KCTD1: variants seen among roughly 807,000 people sequenced by gnomAD.
KCTD1 encodes BTB/POZ domain-containing protein KCTD1.
KCTD1 carries 24 observed loss-of-function variants against 66.0 expected under a neutral mutation model. That is an observed-to-expected ratio of 0.36 (90% CI 0.26 to 0.51). The LOEUF is 0.51. KCTD1 is among the 20% of genes least tolerant of loss of function. KCTD1 has a pLI of 0.95. For missense variants in KCTD1, 943 were observed against 1,205.2 expected, an observed-to-expected ratio of 0.78 and a Z score of 3.22; for synonymous variants, 511 against 517.2, an observed-to-expected ratio of 0.99 and a Z score of 0.16.
Position 26,548,070 on chromosome 18 carries a change from T to C in KCTD1, c.467A>G (p.Asp156Gly). Reference sequence around the variant, plus strand: ...CTCGGGGCGCTGCAGCACGTCGGGGTCCAGCTCGGAGCCGTCCCCGGGCGG... The same window carrying C: ...CTCGGGGCGCTGCAGCACGTCGGGGCCCAGCTCGGAGCCGTCCCCGGGCGG... ...GGPPGDGSEL[D>G]PDVLQRPERA... The change falls in exon 1 of 5, where the codon GAC becomes GGC. Residue 156 changes from aspartate (D) to glycine (G), a missense_variant. Transcript: ENST00000580059. 2 of 1,484,654 alleles carry C rather than the reference T, an allele frequency of 1.3e-6. No individual in the cohort carries two copies. Among genetic ancestry groups the C allele is most frequent in the Middle Eastern group, 1.9e-4 (1 of 5,352 alleles). 92.0% of individuals were successfully genotyped at this position (1,484,654 alleles called of 1,614,324 possible). A position where few individuals can be genotyped will look rare whatever the true frequency, so the allele number is the denominator to read the frequency against.
chr18:26,482,631 C>G (rs75896996), intron 2 of KCTD1, among the ~76,000 whole-genome samples: 8,603 of 152,262 alleles, frequency 0.057, 787 homozygotes, highest in East Asian at 0.41. Context: ...CTGTACCCCC[C>G]ACCCTTCCCA....
intron 2 of KCTD1, among the ~76,000 whole-genome samples, chr18:26,492,964 C>T (rs1181747105): frequency 6.6e-6 from 1 of 152,208 alleles, no homozygotes; most frequent in Non-Finnish European, 1.5e-5. Context: ...ATTTTCCCTT[C>T]ATTCTTTGGA....
chr18:26,488,163 G>A (rs1224906242), intron 2 of KCTD1, among the ~76,000 whole-genome samples: 1 of 152,084 alleles, frequency 6.6e-6, no homozygotes, highest in Non-Finnish European at 1.5e-5. Flanking sequence ...TAGACATCAA[G>A]CTAGGGTGAA....
intron 1 of KCTD1, among the ~76,000 whole-genome samples, chr18:26,585,873 C>T (rs1005773471): frequency 4.6e-5 from 7 of 152,102 alleles, no homozygotes; most frequent in African/African-American, 1.7e-4. Flanking sequence ...GAGACCTTGT[C>T]TCTGTTAAAA....
intron 1 of KCTD1, among the ~76,000 whole-genome samples, chr18:26,538,707 G>A (rs562516546): frequency 3.3e-5 from 5 of 152,316 alleles, no homozygotes; most frequent in African/African-American, 1.2e-4. Context: ...TTTTCAAGCA[G>A]TATCTCATTT....
At chr18:26,657,269 G>T in intron 1 of KCTD1, 2 of 927,376 alleles carry the variant, frequency 2.2e-6, no homozygotes, top group Non-Finnish European at 2.6e-6. Context: ...CTCGCCCCAT[G>T]CCTGGCACAT....
At chr18:26,574,372 A>G (rs1986177271) in intron 1 of KCTD1, among the ~76,000 whole-genome samples, 1 of 152,232 alleles carries the variant, frequency 6.6e-6, no homozygotes, top group Admixed American at 6.5e-5. Context: ...GTAGCACAGT[A>G]TCCTCCAGTC....
chr18:26,575,398 T>C (rs2144906929), intron 1 of KCTD1: 2 of 152,248 alleles, frequency 1.3e-5, no homozygotes, highest in East Asian at 3.9e-4. Flanking sequence ...GTGGTGTGCG[T>C]GCGGGCAGGG....
intron 1 of KCTD1, among the ~76,000 whole-genome samples, chr18:26,574,327 C>T (rs1024432115): frequency 1.3e-5 from 2 of 152,174 alleles, no homozygotes; most frequent in Non-Finnish European, 2.9e-5. Flanking sequence ...ATTAGCCCTC[C>T]GTGCATGTTG....
intron 1 of KCTD1, among the ~76,000 whole-genome samples, chr18:26,585,786 T>C (rs986722155): frequency 6.6e-6 from 1 of 152,272 alleles, no homozygotes; most frequent in Non-Finnish European, 1.5e-5. Context: ...TTTTCCCTGG[T>C]AGTAATTTTT....
rs974314773 is a variant in KCTD1 at position 26,548,348 on chromosome 18, C to T, written c.189G>A (p.Glu63=). ...AGEEEEEEEE[E]DEIQEVQITG... ...TTATCTGCACCTCCTGGATCTCGTCCTCCTCCTCCTCTTCCTCCTCCTCCT... is the reference window on the plus strand; with the variant it reads ...TTATCTGCACCTCCTGGATCTCGTCTTCCTCCTCCTCTTCCTCCTCCTCCT... The change falls in exon 1 of 5, where the codon GAG becomes GAA. Residue 63 remains glutamate, a synonymous_variant. Transcript: ENST00000580059. The T allele has an allele frequency of 8.1e-6, 12 of 1,473,842 alleles. No homozygotes were observed. The highest frequency in any genetic ancestry group is 1.4e-5 in the African/African-American group (1 of 70,558). The allele number at this position is 1,473,842 out of a possible 1,614,324, so 91.3% of individuals were successfully genotyped here.
At chr18:26,504,545 T>C (rs186997181) in intron 1 of KCTD1, among the ~76,000 whole-genome samples, 56 of 152,120 alleles carry the variant, frequency 3.7e-4, no homozygotes, top group East Asian at 3.9e-4. Flanking sequence ...TTTTTATTTT[T>C]AACGTTTTTA....
chr18:26,473,747 G>A (rs543708772), intron 3 of KCTD1, among the ~76,000 whole-genome samples: 128 of 152,276 alleles, frequency 8.4e-4, no homozygotes, highest in African/African-American at 8.9e-4. Flanking sequence ...TGAGATGCAC[G>A]CCATTGAGGG....
upstream of KCTD1, chr18:26,548,716 T>C (rs1225055215): frequency 9.1e-6 from 5 of 547,150 alleles, no homozygotes; most frequent in African/African-American, 8.7e-5. Flanking sequence ...GCGCAGGGGA[T>C]GGAGGGGAGG....
chr18:26,613,228 C>A (rs1274265260), intron 1 of KCTD1, among the ~76,000 whole-genome samples: 2 of 152,106 alleles, frequency 1.3e-5, no homozygotes, highest in Non-Finnish European at 2.9e-5. Flanking sequence ...CCACTTGATA[C>A]TTTTAGTGTG....
intron 1 of KCTD1, among the ~76,000 whole-genome samples, chr18:26,519,280 C>G (rs1360909247): frequency 6.6e-6 from 1 of 152,172 alleles, no homozygotes; most frequent in Non-Finnish European, 1.5e-5. Flanking sequence ...CTCAGAAGTA[C>G]AGAACATAAC....
chr18:26,624,241 C>T (rs947094395), intron 1 of KCTD1, among the ~76,000 whole-genome samples: 5 of 152,156 alleles, frequency 3.3e-5, no homozygotes, highest in African/African-American at 1.2e-4. Flanking sequence ...AAATTCAAGC[C>T]AGCTGCAGAA....
chr18:26,535,971 CAAA>C (rs36119174), intron 1 of KCTD1, among the ~76,000 whole-genome samples: 25,168 of 122,816 alleles, frequency 0.2, 2,311 homozygotes, highest in Middle Eastern at 0.33. Context: ...GTGATTCCTC[CAAA>C]AAAAAAAAAA....
chr18:26,642,979 G>A (rs1174578988), upstream of KCTD1, among the ~76,000 whole-genome samples: 1 of 152,198 alleles, frequency 6.6e-6, no homozygotes. Flanking sequence ...GCAGGAGGCA[G>A]GGAGGTTCTG....
Sources: gnomAD v4.1 joint callset for allele counts (sites outside exome capture counted in the v4.1 genomes callset) on GRCh38, gnomAD v4.1.1 for gene constraint, MANE v1.5 for transcripts, NCBI Gene and HGNC (gene_info 2026-07-23, HGNC 2026-07-21) for gene names.